RSRP1: variants seen among roughly 807,000 people sequenced by gnomAD.
RSRP1 encodes the protein arginine and serine rich protein 1.
Under a neutral mutation model 33.0 loss-of-function variants are expected in RSRP1, and 37 were observed. The ratio of observed to expected loss-of-function variants is 1.12; its 90% CI spans 0.86 to 1.48. The LOEUF (loss-of-function observed/expected upper bound fraction) is 1.48, where lower values mean the gene tolerates loss of function less well. RSRP1 is among the 40% of genes most tolerant of loss of function. The pLI, the probability that RSRP1 is intolerant of heterozygous loss-of-function variation, is 0.00. For missense variants in RSRP1, 402 were observed against 385.3 expected (o/e 1.04, Z -0.36); for synonymous variants, 167 against 158.7 (o/e 1.05, Z -0.40).
chr1:25,284,430 A>G lies in RSRP1; in HGVS notation c.-66-37401T>C, dbSNP rs1641775752. The G allele has an allele frequency of 7.1e-6, 6 of 841,908 alleles. 1 individual carries two copies. The highest frequency in any genetic ancestry group is 5.9e-5 in the South Asian group (4 of 67,980). The allele number at this position is 841,908 out of a possible 1,614,324, so 52.2% of individuals were successfully genotyped here. Reference sequence around the variant, plus strand: ...ATTCAGTTGAGAACATTGAGGCTCAAAGAGGCAAAGTAACTTGACCAAATA... The same window carrying G: ...ATTCAGTTGAGAACATTGAGGCTCAGAGAGGCAAAGTAACTTGACCAAATA... On this transcript the variant is annotated intron_variant, in intron 1 of 1. Coordinates refer to the RSRP1 transcript ENST00000561867.
intron 1 of RSRP1, among the ~76,000 whole-genome samples, chr1:25,255,761 C>T (rs1027962626): frequency 6.6e-6 from 1 of 152,168 alleles, no homozygotes; most frequent in Non-Finnish European, 1.5e-5. Context: ...AGTGACAGAT[C>T]ATTAAGCACT....
rs180842004 is a variant in RSRP1 at position 25,275,269 on chromosome 1, C to T, written c.-66-28240G>A. Among the ~76,000 whole-genome samples, 71 of 132,320 alleles carry T rather than the reference C, an allele frequency of 5.4e-4. 9 individuals are homozygous for T. Among genetic ancestry groups the T allele is most frequent in the African/African-American group, 1.8e-3 (70 of 38,874 alleles). The allele number at this position is 132,320 out of a possible 152,430, so 86.8% of individuals were successfully genotyped here. ...TGCCACTGCACTCCACCCTGGGTGA[C>T]AGAGTGGGACTCTGTCTGAAAAAAA... On this transcript the variant is annotated intron_variant, in intron 1 of 1. Transcript: ENST00000561867.
At chr1:25,293,073 T>C (rs1443368281) in intron 1 of RSRP1, among the ~76,000 whole-genome samples, 1 of 130,924 alleles carries the variant, frequency 7.6e-6, no homozygotes, top group Admixed American at 7.4e-5. Context: ...TTGGCATGCA[T>C]GGTTGTAGAG....
intron 2 of RSRP1, among the ~76,000 whole-genome samples, 172 bp downstream of exon 2, chr1:25,246,272 A>G (rs1180081039): frequency 1.3e-5 from 2 of 152,186 alleles, no homozygotes; most frequent in Non-Finnish European, 2.9e-5. Flanking sequence ...CTTTAACCCT[A>G]AAGAGAATGC....
chr1:25,303,243 C>T lies in RSRP1; in HGVS notation c.-67+34735G>A, dbSNP rs976459714. The T allele has an allele frequency of 1.7e-5, 18 of 1,048,212 alleles. 4 individuals are homozygous for T. The highest frequency in any genetic ancestry group is 1.7e-4 in the African/African-American group (11 of 64,536). The allele number at this position is 1,048,212 out of a possible 1,614,324, so 64.9% of individuals were successfully genotyped here. A position where few individuals can be genotyped will look rare whatever the true frequency, so the allele number is the denominator to read the frequency against. Reference sequence around the variant, plus strand: ...AGGATGTTACAGGGTTGCCTTGTTCCCAGCGTGCTGGTCACTTGCAGCAAG... The same window carrying T: ...AGGATGTTACAGGGTTGCCTTGTTCTCAGCGTGCTGGTCACTTGCAGCAAG... On this transcript the variant is annotated intron_variant, in intron 1 of 1. Transcript: ENST00000561867.
chr1:25,275,693 C>T (rs1640905319), intron 1 of RSRP1, among the ~76,000 whole-genome samples: 1 of 132,980 alleles, frequency 7.5e-6, no homozygotes, highest in African/African-American at 2.6e-5. Context: ...ATAATATTTT[C>T]AAATTACTAA....
upstream of RSRP1, among the ~76,000 whole-genome samples, chr1:25,250,246 A>G (rs981262712): frequency 6.6e-6 from 1 of 152,208 alleles, no homozygotes; most frequent in South Asian, 2.1e-4. Context: ...CCTTCCACCG[A>G]GCACATTCCC....
intron 1 of RSRP1, among the ~76,000 whole-genome samples, chr1:25,300,532 A>G (rs28586271): frequency 0.03 from 3,552 of 118,388 alleles, 587 homozygotes; most frequent in African/African-American, 0.095. Flanking sequence ...AAAAAAGGCC[A>G]GGCGCAGTGG....
At chr1:25,307,285 G>C (rs910518528) in intron 1 of RSRP1, among the ~76,000 whole-genome samples, 2 of 131,760 alleles carry the variant, frequency 1.5e-5, no homozygotes, top group Admixed American at 1.5e-4. Flanking sequence ...GTGGGAATGT[G>C]GGCCTCCAGA....
intron 1 of RSRP1, among the ~76,000 whole-genome samples, chr1:25,263,262 G>A (rs1281026934): frequency 1.3e-5 from 2 of 152,068 alleles, no homozygotes; most frequent in African/African-American, 4.8e-5. Context: ...GCCTGGCCAG[G>A]AGCTAGAGCA....
intron 1 of RSRP1, among the ~76,000 whole-genome samples, chr1:25,252,500 C>T (rs1041968473): frequency 1.3e-5 from 2 of 151,210 alleles, no homozygotes; most frequent in South Asian, 2.1e-4. Context: ...GGAGAGGTCT[C>T]GTGGAGCTTC....
chr1:25,245,341 C>G, intron 2 of RSRP1, 40 bp from the exon 3 acceptor site: 1 of 1,570,256 alleles, frequency 6.4e-7, no homozygotes, highest in Admixed American at 1.7e-5. Context: ...ACTCATTAAT[C>G]TGGTAGTTAT....
At chr1:25,263,361 AAG>A (rs1305361105) in intron 1 of RSRP1, among the ~76,000 whole-genome samples, 6 of 151,866 alleles carry the variant, frequency 4.0e-5, no homozygotes, top group African/African-American at 1.5e-4. Context: ...TTACAAAAGA[AAG>A]AGAGGTTTAA....
rs191122253 is a variant in RSRP1, at chr1:25,275,870, C to T, written c.-66-28841G>A. Among the ~76,000 whole-genome samples the T allele has an allele frequency of 7.6e-5, 10 of 131,766 alleles. 3 individuals carry two copies. Among genetic ancestry groups the T allele is most frequent in the Middle Eastern group, 8.2e-3 (2 of 244 alleles). 86.4% of individuals were successfully genotyped at this position (131,766 alleles called of 152,430 possible). A position where few individuals can be genotyped will look rare whatever the true frequency, so the allele number is the denominator to read the frequency against. ...TCTCGAATGTGACTGACAGCTTGTACGAGGAGAAGTTTCACTCTGCCTTTT... is the reference window on the plus strand; with the variant it reads ...TCTCGAATGTGACTGACAGCTTGTATGAGGAGAAGTTTCACTCTGCCTTTT... On this transcript the variant is annotated intron_variant, in intron 1 of 1. Transcript: ENST00000561867.
chr1:25,254,350 G>C (rs1428286520), intron 1 of RSRP1, among the ~76,000 whole-genome samples: 1 of 152,216 alleles, frequency 6.6e-6, no homozygotes, highest in East Asian at 1.9e-4. Flanking sequence ...TACCTAGTAT[G>C]TGAAGATGCT....
At chr1:25,260,317 G>A (rs1269899278) in intron 1 of RSRP1, among the ~76,000 whole-genome samples, 1 of 152,188 alleles carries the variant, frequency 6.6e-6, no homozygotes, top group African/African-American at 2.4e-5. Flanking sequence ...TTACATAAAT[G>A]TAGTTACATA....
chr1:25,331,741 T>TC (rs1645013570), intron 1 of RSRP1, among the ~76,000 whole-genome samples: 1 of 103,044 alleles, frequency 9.7e-6, no homozygotes, highest in East Asian at 2.1e-4. Flanking sequence ...CTAATTTTTT[T>TC]TTTTTTTTTT....
rs200956801 is a variant in RSRP1 at position 25,246,745 on chromosome 1, C to T, written c.219G>A (p.Lys73=). ...RSRSRRRHQR[K]YRRYSRSYSR... is the part of the protein sequence containing the mutation. ...AGTATGACCGCGAGTAGCGCCTGTACTTCCGCTGGTGGCGCCTTCGGGAAC... is the reference window on the plus strand; with the variant it reads ...AGTATGACCGCGAGTAGCGCCTGTATTTCCGCTGGTGGCGCCTTCGGGAAC... The change falls in exon 2 of 5, where the codon AAG becomes AAA. Residue 73 remains lysine (K), a synonymous_variant. Coordinates refer to ENST00000243189, the MANE Select transcript of RSRP1 (RefSeq NM_020317.5). 70 of 1,609,426 alleles carry T rather than the reference C, an allele frequency of 4.3e-5. No homozygotes were observed. Among genetic ancestry groups the T allele is most frequent in the Middle Eastern group, 3.3e-4 (2 of 6,050 alleles).
chr1:25,300,174 G>T (rs1275813160), intron 1 of RSRP1, among the ~76,000 whole-genome samples: 1 of 131,312 alleles, frequency 7.6e-6, no homozygotes, highest in African/African-American at 2.6e-5. Flanking sequence ...TGAGGTGCGT[G>T]TCCATGTGGG....
Sources: allele counts gnomAD v4.1 joint callset (sites outside exome capture counted in the v4.1 genomes callset), GRCh38; gene constraint gnomAD v4.1.1; transcripts MANE v1.5; gene names NCBI Gene and HGNC (gene_info 2026-07-23, HGNC 2026-07-21).